SLMAP: variants seen among roughly 807,000 people sequenced by gnomAD.
SLMAP encodes sarcolemmal membrane-associated protein.
In SLMAP, 44 loss-of-function variants were observed where a neutral mutation model predicts 128.8. That is an observed-to-expected ratio of 0.34 (90% CI 0.27 to 0.44). SLMAP has a LOEUF of 0.44. Ranked by LOEUF, SLMAP falls within the 20% of genes least tolerant of loss-of-function variation. The pLI is 1.00. For synonymous variants in SLMAP, 327 were observed against 348.8 expected (o/e 0.94, Z 0.70); for missense variants, 787 against 985.3 (o/e 0.80, Z 2.69).
chr3:57,907,249 G>A (rs1484813954), intron 17 of SLMAP, among the ~76,000 whole-genome samples: 1 of 151,740 alleles, frequency 6.6e-6, no homozygotes, highest in Admixed American at 6.6e-5. Context: ...GGATGGTCTC[G>A]ATCTCCTGAC....
chr3:57,917,623 G>A (rs1370273346), intron 22 of SLMAP: 1 of 153,846 alleles, frequency 6.5e-6, no homozygotes, highest in African/African-American at 2.4e-5. Flanking sequence ...CTTGAGTTGA[G>A]TGGCTTTTTA....
intron 15 of SLMAP, among the ~76,000 whole-genome samples, chr3:57,891,462 A>T (rs1442390985): frequency 6.6e-6 from 1 of 152,174 alleles, no homozygotes; most frequent in African/African-American, 2.4e-5. Context: ...GAATATCATC[A>T]CTTTAAATAT....
intron 14 of SLMAP, among the ~76,000 whole-genome samples, chr3:57,885,071 A>ATT (rs543338432): frequency 3.2e-4 from 45 of 142,094 alleles, no homozygotes; most frequent in East Asian, 1.2e-3. Context: ...AGAAGCAGAA[A>ATT]TTTTTTTTTT....
chr3:57,895,935 C>T (rs1329059735), intron 15 of SLMAP, among the ~76,000 whole-genome samples: 4 of 147,356 alleles, frequency 2.7e-5, no homozygotes, highest in East Asian at 2.0e-4. Flanking sequence ...CAGAGCAAGA[C>T]GCTGTCTCAA....
At chr3:57,894,923 G>T (rs1410282923) in intron 15 of SLMAP, among the ~76,000 whole-genome samples, 2 of 152,182 alleles carry the variant, frequency 1.3e-5, no homozygotes, top group African/African-American at 4.8e-5. Flanking sequence ...CTGAGGCCTT[G>T]TGGAGAATGG....
intron 12 of SLMAP, 89 bp downstream of exon 12, chr3:57,864,946 G>T: frequency 9.5e-7 from 1 of 1,051,714 alleles, no homozygotes; most frequent in South Asian, 1.6e-5. Context: ...ATTTTTTAAG[G>T]GATGTTTTAT....
chr3:57,929,965 AC>A lies in SLMAP; in HGVS notation c.*2677del, dbSNP rs1285828052. Among the ~76,000 whole-genome samples the A allele has an allele frequency of 2.0e-5, 3 of 152,240 alleles. No individual in the cohort carries two copies. The highest frequency in any genetic ancestry group is 7.2e-5 in the African/African-American group (3 of 41,464). On this transcript the variant is annotated 3_prime_UTR_variant, in exon 25 of 25. Transcript: ENST00000671191. ...ATATTAAAGTTTTAGGTAAGCCTAA[AC>A]TTTAATCTACTTTAATTAAATGAAT...
intron 17 of SLMAP, among the ~76,000 whole-genome samples, chr3:57,906,916 G>A (rs540566230): frequency 2.6e-4 from 40 of 151,856 alleles, no homozygotes; most frequent in Non-Finnish European, 2.9e-4. Context: ...GGAGAGGAAG[G>A]AGTTTAGGGG....
intron 14 of SLMAP, among the ~76,000 whole-genome samples, chr3:57,880,694 A>C (rs1462408844): frequency 1.3e-5 from 2 of 152,126 alleles, no homozygotes; most frequent in Non-Finnish European, 2.9e-5. Context: ...TCTGGCCAAC[A>C]CAGTGAGACC....
At chr3:57,821,151 A>G (rs2092467358) in intron 2 of SLMAP, among the ~76,000 whole-genome samples, 1 of 152,192 alleles carries the variant, frequency 6.6e-6, no homozygotes, top group Non-Finnish European at 1.5e-5. Flanking sequence ...ATTTATCTTT[A>G]CCACTTTCCC....
chr3:57,766,545 A>G (rs764006114), intron 2 of SLMAP, among the ~76,000 whole-genome samples: 12 of 152,282 alleles, frequency 7.9e-5, no homozygotes, highest in African/African-American at 2.9e-4. Context: ...TCTCAGGTAC[A>G]TGCTTCTCTT....
intron 2 of SLMAP, among the ~76,000 whole-genome samples, chr3:57,759,279 CTT>C (rs530906553): frequency 1.1e-4 from 16 of 141,944 alleles, no homozygotes; most frequent in Non-Finnish European, 1.1e-4. Context: ...ACTCGTAATC[CTT>C]TTTTTTTTTT....
At chr3:57,795,581 A>G (rs1041142467) in intron 2 of SLMAP, among the ~76,000 whole-genome samples, 3 of 152,146 alleles carry the variant, frequency 2.0e-5, no homozygotes, top group African/African-American at 7.2e-5. Context: ...TATCAGTTGT[A>G]TATTCAGGAT....
intron 22 of SLMAP, 95 bp from the exon 23 acceptor site, chr3:57,922,794 G>T: frequency 8.8e-6 from 10 of 1,137,706 alleles, no homozygotes; most frequent in Non-Finnish European, 1.2e-5. Context: ...TGTTCCAGGT[G>T]ACTAAATAGG....
intron 2 of SLMAP, among the ~76,000 whole-genome samples, chr3:57,784,098 CAG>C (rs2083594823): frequency 6.6e-6 from 1 of 152,120 alleles, no homozygotes; most frequent in Admixed American, 6.6e-5. Flanking sequence ...GGGGCCCAGA[CAG>C]AGATGTGTAG....
Position 57,831,591 on chromosome 3 carries a change from A to G in SLMAP, c.346+61A>G, listed in dbSNP as rs981035760. On this transcript the variant is annotated intron_variant, in intron 3 of 24. Coordinates refer to ENST00000671191, the MANE Select transcript of SLMAP (RefSeq NM_001377540.1). ...TTTAAAGGTTATTTAATTTTTTATT[A>G]TCTTACTTGACATTATGAAACATTA... The G allele has an allele frequency of 3.4e-6, 4 of 1,164,238 alleles. No homozygotes were observed. The East Asian group carries it at 1.1e-4, about 32-fold the overall frequency. 72.1% of individuals were successfully genotyped at this position (1,164,238 alleles called of 1,614,324 possible).
At chr3:57,802,242 G>A (rs56006746) in intron 2 of SLMAP, among the ~76,000 whole-genome samples, 2,447 of 150,642 alleles carry the variant, frequency 0.016, 76 homozygotes, top group African/African-American at 0.057. Context: ...CTATATCCCA[G>A]CCCCAGCCTT....
intron 2 of SLMAP, among the ~76,000 whole-genome samples, chr3:57,792,879 T>C (rs1285781217): frequency 6.6e-6 from 1 of 152,114 alleles, no homozygotes; most frequent in Non-Finnish European, 1.5e-5. Flanking sequence ...GACTCACACC[T>C]GTAATCCCAG....
At position 57,847,374 on chromosome 3, in the gene SLMAP, T is replaced by C. The variant is rs138128288; in HGVS notation, c.456+141T>C. 1.0e-3 allele frequency: 585 copies of C among 558,352 alleles called. 8 individuals are homozygous for C. In the East Asian group the frequency reaches 0.017, roughly 16 times the overall value. 34.6% of individuals were successfully genotyped at this position (558,352 alleles called of 1,614,324 possible). A position where few individuals can be genotyped will look rare whatever the true frequency, so the allele number is the denominator to read the frequency against. On this transcript the variant is annotated intron_variant, in intron 5 of 24. Transcript: ENST00000671191. ...AATGCATATAGCTATATAGTTATTATAATCTTCTGATCTTCAATATCTGGA... is the reference window on the plus strand; with the variant it reads ...AATGCATATAGCTATATAGTTATTACAATCTTCTGATCTTCAATATCTGGA...
Sources: allele counts gnomAD v4.1 joint callset (sites outside exome capture counted in the v4.1 genomes callset), GRCh38; gene constraint gnomAD v4.1.1; transcripts MANE v1.5; gene names NCBI Gene and HGNC (gene_info 2026-07-23, HGNC 2026-07-21).